The following ITGA3 variants were observed in gnomAD, a reference collection of about 807,000 sequenced individuals.
ITGA3 encodes the protein integrin alpha-3.
ITGA3 carries 70 observed loss-of-function variants against 131.1 expected under a neutral mutation model. The ratio of observed to expected loss-of-function variants is 0.53; its 90% CI spans 0.44 to 0.65. The LOEUF (loss-of-function observed/expected upper bound fraction) is 0.65, where lower values mean the gene tolerates loss of function less well. Ranked by LOEUF, ITGA3 falls within the 30% of genes least tolerant of loss-of-function variation. The pLI is 0.00. For missense variants in ITGA3, 1,098 were observed against 1,388.6 expected, an observed-to-expected ratio of 0.79 and a Z score of 3.33; for synonymous variants, 537 against 571.6, an observed-to-expected ratio of 0.94 and a Z score of 0.86.
intron 6 of ITGA3, 173 bp downstream of exon 6, chr17:50,071,691 TG>T (rs923767050): frequency 1.7e-5 from 11 of 653,848 alleles, no homozygotes; most frequent in African/African-American, 1.6e-4. Context: ...ATGGCATTTG[TG>T]GGACCCCTGC....
intron 1 of ITGA3, among the ~76,000 whole-genome samples, chr17:50,058,957 G>A (rs1158265861): frequency 3.3e-5 from 5 of 152,184 alleles, no homozygotes; most frequent in South Asian, 2.1e-4. Flanking sequence ...ACCCAAAATC[G>A]TAGTATTTGT....
At chr17:50,069,091 G>A (rs1164046714) in intron 4 of ITGA3, among the ~76,000 whole-genome samples, 1 of 151,826 alleles carries the variant, frequency 6.6e-6, no homozygotes, top group Non-Finnish European at 1.5e-5. Context: ...CTCGTGATCC[G>A]CTCACCTCGG....
At chr17:50,070,784 G>A (rs1441194055) in intron 4 of ITGA3, 60 bp from the exon 5 acceptor site, 3 of 1,153,504 alleles carry the variant, frequency 2.6e-6, no homozygotes, top group African/African-American at 1.5e-5. Flanking sequence ...CATGGTAGAG[G>A]AAACCAGAAA....
chr17:50,060,215 G>T (rs1349402443), intron 1 of ITGA3, among the ~76,000 whole-genome samples: 1 of 152,328 alleles, frequency 6.6e-6, no homozygotes, highest in East Asian at 1.9e-4. Context: ...TACCCAAGGA[G>T]TGAGGCCCTG....
chr17:50,064,792 C>A lies in ITGA3; in HGVS notation c.414+185C>A. On this transcript the variant is annotated intron_variant, in intron 3 of 25. Coordinates refer to ENST00000320031, the MANE Select transcript of ITGA3 (RefSeq NM_002204.4). The surrounding 1 kb of genome is among the most constrained non-coding windows in gnomAD (Gnocchi z 4.4). The stretch of plus-strand genomic sequence containing the variant: ...GCACTCCTGGGGAGGGGGTGAGTAT[C>A]CTGTGCTCTCCCAAACCCCCGCACG... The A allele has an allele frequency of 1.8e-6, 1 of 559,656 alleles. No individual in the cohort carries two copies. Among genetic ancestry groups the A allele is most frequent in the Non-Finnish European group, 3.2e-6 (1 of 316,924 alleles). The allele number at this position is 559,656 out of a possible 1,614,324, so 34.7% of individuals were successfully genotyped here. A position where few individuals can be genotyped will look rare whatever the true frequency, so the allele number is the denominator to read the frequency against.
chr17:50,078,773 A>G (rs1231109266), intron 18 of ITGA3, 51 bp from the exon 19 acceptor site: 4 of 1,020,172 alleles, frequency 3.9e-6, no homozygotes, highest in Admixed American at 1.8e-5. Context: ...CCCCTCTGCC[A>G]GGGCCCTGGT....
In ITGA3 at chr17:50,072,150, G is replaced by A. The variant is rs1908660856; in HGVS notation, c.1124G>A (p.Ser375Asn). 6.2e-7 allele frequency: 1 copy of A among 1,613,842 alleles called. No individual in the cohort carries two copies. The highest frequency in any genetic ancestry group is 8.5e-7 in the Non-Finnish European group (1 of 1,179,962). Residue 375 changes from serine (S) to asparagine (N), a missense_variant, in exon 7 of 26, where the codon AGC becomes AAC. Ser to Asn is a conservative substitution (Grantham distance 46, BLOSUM62 1). This residue lies in a region of ITGA3 where 356 missense variants were observed against 529.2 expected (regional missense o/e 0.67). Transcript: ENST00000320031. ...SGSAFGLSVA[S>N]IGDINQDGFQ... Reference sequence around the variant, plus strand: ...TCTGCCTTTGGTTTATCTGTGGCCAGCATTGGTGACATCAACCAGGATGGA... The same window carrying A: ...TCTGCCTTTGGTTTATCTGTGGCCAACATTGGTGACATCAACCAGGATGGA...
rs59600840 is a variant in ITGA3, at chr17:50,070,644, C to CAAAA, written c.665-179_665-176dup. ...CTGGGCAACAAGAGCAAGACTGTCT[C>CAAAA]AAAAAAAAAAAAAAAAAAAAAAAAG... is the stretch of plus-strand genomic sequence containing the variant. On this transcript the variant is annotated intron_variant, in intron 4 of 25. Transcript: ENST00000320031. Among the ~76,000 whole-genome samples, 376 of 69,332 alleles carry CAAAA rather than the reference C, an allele frequency of 5.4e-3. 3 individuals are homozygous for CAAAA. The highest frequency in any genetic ancestry group is 0.016 in the African/African-American group (320 of 19,830). The allele number at this position is 69,332 out of a possible 152,430, so 45.5% of individuals were successfully genotyped here.
chr17:50,078,415 G>T, intron 18 of ITGA3, 131 bp downstream of exon 18: 2 of 651,124 alleles, frequency 3.1e-6, no homozygotes, highest in South Asian at 2.0e-5. Flanking sequence ...CACTTTCCCT[G>T]GATCATCCTT....
rs3834595 is a variant in ITGA3 at position 50,081,222 on chromosome 17, AG to A, written c.2821-85del. 92,767 of 770,936 alleles carry A rather than the reference AG, an allele frequency of 0.12. 7,517 individuals are homozygous for A. The highest frequency in any genetic ancestry group is 0.32 in the East Asian group (11,600 of 36,414). 47.8% of individuals were successfully genotyped at this position (770,936 alleles called of 1,614,324 possible). A position where few individuals can be genotyped will look rare whatever the true frequency, so the allele number is the denominator to read the frequency against. On this transcript the variant is annotated intron_variant, in intron 22 of 25. Coordinates refer to ENST00000320031, the MANE Select transcript of ITGA3 (RefSeq NM_002204.4). ...CTGTTTAAGGATGCTACTTGGTGGG[AG>A]GGTGATGGGGTGGGAAAGCTTAGGG...
chr17:50,068,182 CACA>C lies in ITGA3; in HGVS notation c.544_546del (p.Asn182del). The C allele has an allele frequency of 1.2e-6, 2 of 1,614,176 alleles. No homozygotes were observed. Among genetic ancestry groups the C allele is most frequent in the Non-Finnish European group, 1.7e-6 (2 of 1,180,034 alleles). On this transcript the variant is annotated inframe_deletion, in exon 4 of 26. Coordinates refer to ENST00000320031, the MANE Select transcript of ITGA3 (RefSeq NM_002204.4). ...CTCCAGTGATGACTGGCAGACCTAC[CACA>C]ACGAGATGTGCAATAGCAACACAGA...
At chr17:50,077,994 A>AC in intron 16 of ITGA3, 52 bp from the exon 17 acceptor site, 2 of 1,459,820 alleles carry the variant, frequency 1.4e-6, no homozygotes, top group South Asian at 2.4e-5. Flanking sequence ...CCATGACATC[A>AC]CCCCCGCCAG....
At position 50,075,582 on chromosome 17, in the gene ITGA3, A is replaced by C. The variant is rs757464518; in HGVS notation, c.1538-17A>C. On this transcript the variant is annotated splice_polypyrimidine_tract_variant and intron_variant, in intron 11 of 25. Coordinates refer to ENST00000320031, the MANE Select transcript of ITGA3 (RefSeq NM_002204.4). ...ACGCTCCCCTGTCCCCTTGCTGACC[A>C]CCCTGTCTACCTGTAGCCCTGGCCT... The C allele has an allele frequency of 1.1e-5, 18 of 1,614,092 alleles. No individual in the cohort carries two copies. In the African/African-American group the frequency reaches 2.0e-4, roughly 18 times the overall value.
At chr17:50,087,695 G>A (rs1465151176) in intron 23 of ITGA3, 49 bp from the exon 24 acceptor site, 10 of 1,576,196 alleles carry the variant, frequency 6.3e-6, no homozygotes, top group Non-Finnish European at 8.7e-6. Flanking sequence ...GGGTGAGGAT[G>A]GGCCTAAGCA....
In ITGA3 at chr17:50,070,834, C is replaced by A; in HGVS notation, c.665-10C>A. On this transcript the variant is annotated splice_polypyrimidine_tract_variant and intron_variant, in intron 4 of 25. Coordinates refer to ENST00000320031, the MANE Select transcript of ITGA3 (RefSeq NM_002204.4). ...TACTCCCTACTCTCCCTCCCTCAATCCCTGTGAAGGAAACAGCTACATGAT... is the reference window on the plus strand; with the variant it reads ...TACTCCCTACTCTCCCTCCCTCAATACCTGTGAAGGAAACAGCTACATGAT... 1 of 1,593,456 alleles carries A rather than the reference C, an allele frequency of 6.3e-7. No homozygotes were observed. The highest frequency in any genetic ancestry group is 8.6e-7 in the Non-Finnish European group (1 of 1,161,476).
chr17:50,068,065 C>T lies in ITGA3; in HGVS notation c.424C>T (p.His142Tyr). ...TTTGGGGGGTCCCCAGGTCTGTGCC[C>T]ACCGCTACACCCAGGTGCTGTGGTC... ...GPAGRVLVCA[H>Y]RYTQVLWSGS... The change falls in exon 4 of 26, where the codon CAC becomes TAC. Residue 142 changes from histidine to tyrosine, a missense_variant. His to Tyr is a moderately conservative substitution (Grantham distance 83). Coordinates refer to ENST00000320031, the MANE Select transcript of ITGA3 (RefSeq NM_002204.4). 2 of 1,613,980 alleles carry T rather than the reference C, an allele frequency of 1.2e-6. No individual in the cohort carries two copies. Among genetic ancestry groups the T allele is most frequent in the Non-Finnish European group, 1.7e-6 (2 of 1,180,036 alleles).
intron 18 of ITGA3, 118 bp downstream of exon 18, chr17:50,078,402 C>T (rs775051267): frequency 1.1e-4 from 84 of 730,580 alleles, no homozygotes; most frequent in Non-Finnish European, 1.7e-4. Flanking sequence ...GTCCTCAGGC[C>T]TCCACTTTCC....
At chr17:50,060,321 G>A (rs1433067276) in intron 1 of ITGA3, among the ~76,000 whole-genome samples, 1 of 152,214 alleles carries the variant, frequency 6.6e-6, no homozygotes, top group Admixed American at 6.5e-5. Flanking sequence ...CTGGGAAGGT[G>A]AATCTTACAG....
intron 1 of ITGA3, among the ~76,000 whole-genome samples, chr17:50,062,061 G>GA (rs1231999713): frequency 1.4e-5 from 2 of 143,614 alleles, no homozygotes; most frequent in Non-Finnish European, 1.5e-5. Flanking sequence ...AAAAAAGAAA[G>GA]AAAAAAAGAA....
Sources: allele counts gnomAD v4.1 joint callset (sites outside exome capture counted in the v4.1 genomes callset), GRCh38; gene constraint gnomAD v4.1.1; regional missense constraint gnomAD v4.1.1; non-coding constraint Gnocchi (gnomAD v3.1); transcripts MANE v1.5; gene names NCBI Gene and HGNC (gene_info 2026-07-23, HGNC 2026-07-21).